GRIN2B: variants seen among roughly 807,000 people sequenced by gnomAD.
GRIN2B encodes glutamate ionotropic receptor NMDA type subunit 2B.
In GRIN2B, 5 loss-of-function variants were observed where a neutral mutation model predicts 114.5. That is an observed-to-expected ratio of 0.04 (90% CI 0.02 to 0.09). GRIN2B has a LOEUF of 0.09. Ranked by LOEUF, GRIN2B falls within the 10% of genes least tolerant of loss-of-function variation. The pLI is 1.00. For missense variants in GRIN2B, 1,108 were observed against 1,943.5 expected (o/e 0.57, Z 8.08); for synonymous variants, 787 against 745.1 (o/e 1.06, Z -0.92).
At position 13,567,126 on chromosome 12, in the gene GRIN2B, G is replaced by C. The variant is rs1439435536; in HGVS notation, c.2497C>G (p.Leu833Val). The change falls in exon 13 of 14, where the codon CTC becomes GTC. Residue 833 changes from leucine to valine, a missense_variant. Physicochemically the swap from Leu to Val is conservative, Grantham distance 32 (BLOSUM62 1). Transcript: ENST00000609686. Reference protein sequence around the residue: ...YMLGAAMALSLITFICEHLFY... With the variant: ...YMLGAAMALSVITFICEHLFY... Reference sequence around the variant, plus strand: ...AGGTGTTCGCAGATGAAGGTGATGAGGCTGAGAGCCATGGCCGCCCCCAAC... The same window carrying C: ...AGGTGTTCGCAGATGAAGGTGATGACGCTGAGAGCCATGGCCGCCCCCAAC... 6.2e-7 allele frequency: 1 copy of C among 1,614,020 alleles called. No individual in the cohort carries two copies. Among genetic ancestry groups the C allele is most frequent in the African/African-American group, 1.3e-5 (1 of 74,942 alleles).
intron 3 of GRIN2B, among the ~76,000 whole-genome samples, chr12:13,824,521 G>A (rs112981696): frequency 2.0e-5 from 3 of 152,102 alleles, no homozygotes; most frequent in African/African-American, 7.2e-5. Flanking sequence ...TCAGTTCTGA[G>A]CCAGTCTTGC....
chr12:13,825,295 C>T (rs1591752997), intron 3 of GRIN2B, among the ~76,000 whole-genome samples: 3 of 151,694 alleles, frequency 2.0e-5, no homozygotes, highest in Non-Finnish European at 4.4e-5. Context: ...TTTCAATCAA[C>T]TTACACTTGA....
At chr12:13,716,691 A>G (rs1318987989) in intron 4 of GRIN2B, among the ~76,000 whole-genome samples, 1 of 151,996 alleles carries the variant, frequency 6.6e-6, no homozygotes, top group African/African-American at 2.4e-5. Context: ...TGAAGGATTA[A>G]TCTGTCCTCT....
chr12:13,861,865 G>C lies in GRIN2B; in HGVS notation c.411+3933C>G, dbSNP rs1450347013. Among the ~76,000 whole-genome samples, 3 of 152,110 alleles carry C rather than the reference G, an allele frequency of 2.0e-5. 1 individual carries two copies. The highest frequency in any genetic ancestry group is 4.2e-4 in the South Asian group (2 of 4,818). ...GATACACTCTCACTCCCTTCAAACT[G>C]CTCCACATGGCCTTCAGCTTCACCT... On this transcript the variant is annotated intron_variant, in intron 3 of 13. Transcript: ENST00000609686.
In GRIN2B at chr12:13,569,365, C is replaced by T. The variant is rs919522639; in HGVS notation, c.2359+465G>A. ...ATGGTGAACCCCTAATCTAATATGA[C>T]TGGCATTCTTAAGAAAAAGGGAAAT... On this transcript the variant is annotated intron_variant, in intron 12 of 13. Transcript: ENST00000609686. Among the ~76,000 whole-genome samples, 6 of 152,280 alleles carry T rather than the reference C, an allele frequency of 3.9e-5. No individual in the cohort carries two copies. The East Asian group carries it at 1.2e-3, about 29-fold the overall frequency.
chr12:13,576,897 T>C (rs1948784433), intron 10 of GRIN2B, among the ~76,000 whole-genome samples: 1 of 152,180 alleles, frequency 6.6e-6, no homozygotes. Flanking sequence ...CTTCCTTGAA[T>C]GTGGAATCTT....
At chr12:13,929,694 G>A (rs1271069165) in intron 2 of GRIN2B, among the ~76,000 whole-genome samples, 1 of 152,130 alleles carries the variant, frequency 6.6e-6, no homozygotes, top group Non-Finnish European at 1.5e-5. Context: ...CAAACTCCAT[G>A]TCAGTGGTTT....
intron 5 of GRIN2B, among the ~76,000 whole-genome samples, chr12:13,638,566 T>C (rs897645369): frequency 3.3e-5 from 5 of 152,132 alleles, no homozygotes; most frequent in African/African-American, 1.2e-4. Context: ...GTTTTCCATC[T>C]GGTACTCAAA....
Position 13,834,197 on chromosome 12 carries a change from A to ATTTTTTTTTTTTTTTTTTTTTTTTTT in GRIN2B, c.411+31600_411+31601insAAAAAAAAAAAAAAAAAAAAAAAAAA, listed in dbSNP as rs756189402. Among the ~76,000 whole-genome samples, 7 of 111,502 alleles carry ATTTTTTTTTTTTTTTTTTTTTTTTTT rather than the reference A, an allele frequency of 6.3e-5. 1 individual carries two copies. The highest frequency in any genetic ancestry group is 2.5e-4 in the African/African-American group (7 of 27,540). 73.1% of individuals were successfully genotyped at this position (111,502 alleles called of 152,430 possible). ...AGGTGCCCACCACCACGCCTGGCTA[A>ATTTTTTTTTTTTTTTTTTTTTTTTTT]TTTTTTTTTTTTTTTTTTTTTAGTA... On this transcript the variant is annotated intron_variant, in intron 3 of 13. Coordinates refer to ENST00000609686, the MANE Select transcript of GRIN2B (RefSeq NM_000834.5).
intron 3 of GRIN2B, among the ~76,000 whole-genome samples, chr12:13,846,704 T>C (rs1179692226): frequency 6.6e-6 from 1 of 152,134 alleles, no homozygotes; most frequent in African/African-American, 2.4e-5. Context: ...AAACAGTGAA[T>C]GACAGGGAGG....
At chr12:13,833,365 A>G (rs151260760) in intron 3 of GRIN2B, among the ~76,000 whole-genome samples, 11 of 152,246 alleles carry the variant, frequency 7.2e-5, no homozygotes, top group East Asian at 1.9e-4. Flanking sequence ...GACAGTCACA[A>G]TGGGCCTCGG....
intron 2 of GRIN2B, among the ~76,000 whole-genome samples, chr12:13,886,242 G>C (rs1866154520): frequency 6.6e-6 from 1 of 152,154 alleles, no homozygotes; most frequent in African/African-American, 2.4e-5. Flanking sequence ...GATGTTCAAT[G>C]TATTTCTTAA....
At chr12:13,640,833 C>A (rs766583433) in intron 5 of GRIN2B, among the ~76,000 whole-genome samples, 2 of 151,954 alleles carry the variant, frequency 1.3e-5, no homozygotes, top group Non-Finnish European at 2.9e-5. Flanking sequence ...GCACTCATTA[C>A]CTACCCAAGT....
In GRIN2B at chr12:13,661,187, A is replaced by G. The variant is rs551478566; in HGVS notation, c.1125+14558T>C. On this transcript the variant is annotated intron_variant, in intron 5 of 13. Coordinates refer to ENST00000609686, the MANE Select transcript of GRIN2B (RefSeq NM_000834.5). ...AGGTAAATGCCCTTGGATCACTCCA[A>G]TTCTCTGTAAAGCTCATGCCTGTGA... Among the ~76,000 whole-genome samples the G allele has an allele frequency of 3.3e-5, 5 of 152,214 alleles. No homozygotes were observed. The East Asian group carries it at 5.8e-4, about 18-fold the overall frequency.
intron 5 of GRIN2B, among the ~76,000 whole-genome samples, chr12:13,630,980 G>A (rs986329230): frequency 9.2e-5 from 14 of 152,116 alleles, no homozygotes; most frequent in African/African-American, 3.4e-4. Context: ...GTGGCAGCAG[G>A]AGAGAGAGAT....
intron 4 of GRIN2B, among the ~76,000 whole-genome samples, chr12:13,752,676 C>T (rs1328388133): frequency 6.6e-6 from 1 of 152,154 alleles, no homozygotes; most frequent in Non-Finnish European, 1.5e-5. Context: ...ACAAACCAGA[C>T]TAAGAGTAAC....
intron 3 of GRIN2B, among the ~76,000 whole-genome samples, chr12:13,864,422 A>G (rs1487535132): frequency 6.6e-6 from 1 of 152,220 alleles, no homozygotes; most frequent in Non-Finnish European, 1.5e-5. Flanking sequence ...CATGTCTTTT[A>G]AGTACAAAAC....
chr12:13,840,649 A>C (rs894380069), intron 3 of GRIN2B, among the ~76,000 whole-genome samples: 2 of 152,238 alleles, frequency 1.3e-5, no homozygotes, highest in African/African-American at 4.8e-5. Context: ...AAAATAAAGC[A>C]CACAGCAAAG....
chr12:13,958,221 C>A (rs1001004484), intron 2 of GRIN2B, among the ~76,000 whole-genome samples: 1 of 152,138 alleles, frequency 6.6e-6, no homozygotes, highest in South Asian at 2.1e-4. Context: ...ATAATGGCAA[C>A]ACAATCTGTA....
Sources: gnomAD v4.1 joint callset for allele counts (sites outside exome capture counted in the v4.1 genomes callset) on GRCh38, gnomAD v4.1.1 for gene constraint, MANE v1.5 for transcripts, NCBI Gene and HGNC (gene_info 2026-07-23, HGNC 2026-07-21) for gene names.